RIT2: variants seen among roughly 807,000 people sequenced by gnomAD.
RIT2 encodes GTP-binding protein Rit2.
Under a neutral mutation model 23.7 loss-of-function variants are expected in RIT2, and 24 were observed. That is an observed-to-expected ratio of 1.01 (90% CI 0.73 to 1.43). RIT2 has a LOEUF of 1.43. Among genes scored for constraint, RIT2 ranks in the 40% most tolerant of loss-of-function variants. The probability of loss-of-function intolerance (pLI) is 0.00; values close to 1 mark genes in which losing one functional copy is unlikely to be tolerated. For missense variants in RIT2, 236 were observed against 266.9 expected (o/e 0.88, Z 0.81); for synonymous variants, 107 against 91.1 (o/e 1.17, Z -0.99).
At chr18:42,819,727 C>T (rs529351082) in intron 4 of RIT2, among the ~76,000 whole-genome samples, 1 of 152,112 alleles carries the variant, frequency 6.6e-6, no homozygotes, top group African/African-American at 2.4e-5. Context: ...CCATTTTATT[C>T]ACCTGTTAAA....
intron 3 of RIT2, among the ~76,000 whole-genome samples, chr18:42,930,420 C>T (rs1440168574): frequency 3.3e-5 from 5 of 151,854 alleles, no homozygotes; most frequent in Admixed American, 6.6e-5. Flanking sequence ...ACATGAAAAA[C>T]GTATCTCACA....
At chr18:42,756,461 G>A (rs757997614) in intron 4 of RIT2, among the ~76,000 whole-genome samples, 2 of 152,106 alleles carry the variant, frequency 1.3e-5, no homozygotes, top group East Asian at 1.9e-4. Flanking sequence ...GGGGGGAAAG[G>A]TTGCCATGGC....
rs1030346999 is a variant in RIT2 at position 42,874,164 on chromosome 18, C to A, written c.426+49408G>T. On this transcript the variant is annotated intron_variant, in intron 4 of 4. Coordinates refer to ENST00000326695, the MANE Select transcript of RIT2 (RefSeq NM_002930.4). ...AACAATCTATCAGCTGCTAAGCTTA[C>A]GTTAGAATATTAGCTCATGATATGT... is the stretch of plus-strand genomic sequence containing the variant. Among the ~76,000 whole-genome samples the A allele has an allele frequency of 4.6e-5, 7 of 152,170 alleles. No individual in the cohort carries two copies. In the Middle Eastern group the frequency reaches 0.01, roughly 222 times the overall value.
intron 1 of RIT2, among the ~76,000 whole-genome samples, chr18:43,051,848 G>T (rs1485002039): frequency 6.6e-6 from 1 of 152,052 alleles, no homozygotes; most frequent in Non-Finnish European, 1.5e-5. Context: ...ACTTGTTATG[G>T]AGACCTCTCA....
chr18:43,109,165 T>C (rs1359664858), intron 1 of RIT2, among the ~76,000 whole-genome samples: 1 of 152,186 alleles, frequency 6.6e-6, no homozygotes, highest in Non-Finnish European at 1.5e-5. Context: ...CTTTATAAAA[T>C]CCTGCTACAT....
intron 4 of RIT2, among the ~76,000 whole-genome samples, chr18:42,819,046 A>C (rs993203089): frequency 1.3e-5 from 2 of 152,082 alleles, no homozygotes; most frequent in African/African-American, 4.8e-5. Context: ...TAGATCAGAA[A>C]AGTCATTTGC....
intron 3 of RIT2, among the ~76,000 whole-genome samples, chr18:42,948,021 AG>A (rs1423125763): frequency 6.6e-6 from 1 of 152,100 alleles, no homozygotes; most frequent in African/African-American, 2.4e-5. Flanking sequence ...AAGTTAACAA[AG>A]TTAGCAGAAC....
intron 2 of RIT2, among the ~76,000 whole-genome samples, chr18:42,985,411 G>A (rs1202337750): frequency 3.3e-5 from 5 of 152,072 alleles, no homozygotes; most frequent in Non-Finnish European, 7.4e-5. Context: ...TGCACCAACT[G>A]ATTCTAAATT....
chr18:42,834,812 T>C (rs771242748), intron 4 of RIT2, among the ~76,000 whole-genome samples: 1 of 152,168 alleles, frequency 6.6e-6, no homozygotes, highest in Non-Finnish European at 1.5e-5. Context: ...CACTTAAATA[T>C]GTACCTACAA....
intron 3 of RIT2, among the ~76,000 whole-genome samples, chr18:42,925,308 C>A (rs1029210262): frequency 2.6e-5 from 4 of 151,832 alleles, no homozygotes; most frequent in Non-Finnish European, 1.5e-5. Flanking sequence ...AATCCTATGT[C>A]GCAATCAAAA....
chr18:42,842,256 A>G (rs1316399461), intron 4 of RIT2, among the ~76,000 whole-genome samples: 1 of 152,122 alleles, frequency 6.6e-6, no homozygotes, highest in Non-Finnish European at 1.5e-5. Flanking sequence ...CTTAATTTCC[A>G]TTTGGTGGAA....
chr18:43,078,051 T>TA (rs1207599601), intron 1 of RIT2, among the ~76,000 whole-genome samples: 5 of 152,152 alleles, frequency 3.3e-5, no homozygotes, highest in Non-Finnish European at 5.9e-5. Context: ...AAAGCGATGC[T>TA]AAAAAAAGCA....
chr18:42,766,934 C>T (rs1229593089), intron 4 of RIT2, among the ~76,000 whole-genome samples: 1 of 152,154 alleles, frequency 6.6e-6, no homozygotes, highest in Non-Finnish European at 1.5e-5. Flanking sequence ...TGTAGGTGCA[C>T]AGAAGTCAAT....
chr18:43,082,384 C>T (rs1477410447), intron 1 of RIT2, among the ~76,000 whole-genome samples: 1 of 151,976 alleles, frequency 6.6e-6, no homozygotes, highest in African/African-American at 2.4e-5. Context: ...TATATGAGGC[C>T]AGCATCATCC....
rs182213722 is a variant in RIT2, at chr18:42,886,097, C to T, written c.426+37475G>A. 1.6e-3 allele frequency among the ~76,000 whole-genome samples: 248 copies of T among 152,208 alleles called. 2 individuals are homozygous for T. The highest frequency in any genetic ancestry group is 5.8e-3 in the African/African-American group (241 of 41,520). Reference sequence around the variant, plus strand: ...CTTTAGATGAATTGGGAAATAAAGGCCAAGTGATAATATTTGATTTACTGC... The same window carrying T: ...CTTTAGATGAATTGGGAAATAAAGGTCAAGTGATAATATTTGATTTACTGC... On this transcript the variant is annotated intron_variant, in intron 4 of 4. Transcript: ENST00000326695.
intron 1 of RIT2, among the ~76,000 whole-genome samples, chr18:43,114,818 A>G (rs1914031464): frequency 6.6e-6 from 1 of 152,144 alleles, no homozygotes; most frequent in African/African-American, 2.4e-5. Context: ...TTAATTGACC[A>G]CAAAGTTTAG....
intron 4 of RIT2, among the ~76,000 whole-genome samples, chr18:42,835,997 G>A (rs1332619910): frequency 6.6e-6 from 1 of 152,008 alleles, no homozygotes; most frequent in Non-Finnish European, 1.5e-5. Context: ...TGGGAAATGA[G>A]GTAATCTTTA....
At chr18:43,019,329 T>A (rs1176286656) in intron 2 of RIT2, among the ~76,000 whole-genome samples, 1 of 151,954 alleles carries the variant, frequency 6.6e-6, no homozygotes, top group African/African-American at 2.4e-5. Context: ...ACCAAAAAGA[T>A]AATACAATAT....
At chr18:42,827,383 A>C (rs1456350386) in intron 4 of RIT2, among the ~76,000 whole-genome samples, 2 of 152,194 alleles carry the variant, frequency 1.3e-5, no homozygotes, top group Admixed American at 6.5e-5. Flanking sequence ...AGACTGACTT[A>C]AAGACCTCAG....
Sources: allele counts gnomAD v4.1 joint callset (sites outside exome capture counted in the v4.1 genomes callset), GRCh38; gene constraint gnomAD v4.1.1; transcripts MANE v1.5; gene names NCBI Gene and HGNC (gene_info 2026-07-23, HGNC 2026-07-21).